BRINP1: variants seen among roughly 807,000 people sequenced by gnomAD.
BRINP1 encodes the protein BMP/retinoic acid inducible neural specific 1, also known as BMP/retinoic acid-inducible neural-specific protein 1.
A neutral mutation model predicts 72.9 loss-of-function variants in BRINP1; 17 were observed. The ratio of observed to expected loss-of-function variants is 0.23; its 90% CI spans 0.16 to 0.35. BRINP1 has a LOEUF of 0.35. BRINP1 is among the 10% of genes least tolerant of loss of function. The pLI, the probability that BRINP1 is intolerant of heterozygous loss-of-function variation, is 1.00. For synonymous variants in BRINP1, 418 were observed against 378.5 expected (o/e 1.10, Z -1.21); for missense variants, 850 against 1,001.6 (o/e 0.85, Z 2.04).
chr9:119,307,478 G>A (rs890919531), intron 2 of BRINP1, among the ~76,000 whole-genome samples: 1 of 152,102 alleles, frequency 6.6e-6, no homozygotes, highest in East Asian at 1.9e-4. Flanking sequence ...GAAATGAAAA[G>A]GGGAAAGAAG....
chr9:119,213,406 C>T (rs1588166139), intron 6 of BRINP1, among the ~76,000 whole-genome samples: 1 of 152,292 alleles, frequency 6.6e-6, no homozygotes, highest in Middle Eastern at 3.4e-3. Context: ...CAGAAAATAA[C>T]TAAGATACCA....
At chr9:119,268,824 C>T (rs748965561) in intron 2 of BRINP1, among the ~76,000 whole-genome samples, 5 of 152,128 alleles carry the variant, frequency 3.3e-5, no homozygotes, top group Non-Finnish European at 7.3e-5. Context: ...TTGTTGAGCA[C>T]ATAAGAAAAG....
chr9:119,244,367 T>G (rs1334402714), intron 3 of BRINP1, among the ~76,000 whole-genome samples: 1 of 152,160 alleles, frequency 6.6e-6, no homozygotes, highest in Non-Finnish European at 1.5e-5. Flanking sequence ...CCATGGGAAG[T>G]GGAGCAGGGG....
chr9:119,343,358 T>A (rs1441019991), intron 1 of BRINP1, among the ~76,000 whole-genome samples: 1 of 152,200 alleles, frequency 6.6e-6, no homozygotes, highest in Non-Finnish European at 1.5e-5. Context: ...GTCACGTTCT[T>A]CAAGTCATAA....
At chr9:119,336,673 C>T (rs962780222) in intron 1 of BRINP1, among the ~76,000 whole-genome samples, 4 of 152,104 alleles carry the variant, frequency 2.6e-5, no homozygotes, top group Admixed American at 1.3e-4. Flanking sequence ...ACTGACGCTG[C>T]CAGCCTGGCT....
At chr9:119,280,537 C>G (rs1413108534) in intron 2 of BRINP1, among the ~76,000 whole-genome samples, 4 of 152,068 alleles carry the variant, frequency 2.6e-5, no homozygotes, top group Non-Finnish European at 4.4e-5. Flanking sequence ...AGCTACCGCA[C>G]CCAGCCAAAA....
chr9:119,288,262 T>C (rs573524881), intron 2 of BRINP1, among the ~76,000 whole-genome samples: 1 of 152,348 alleles, frequency 6.6e-6, no homozygotes, highest in South Asian at 2.1e-4. Context: ...AATAATTCAC[T>C]GTGAATGATG....
At chr9:119,347,999 A>G (rs1831466889) in intron 1 of BRINP1, among the ~76,000 whole-genome samples, 1 of 152,196 alleles carries the variant, frequency 6.6e-6, no homozygotes, top group Non-Finnish European at 1.5e-5. Flanking sequence ...AGTTTACATT[A>G]GGGGTCACCC....
chr9:119,298,500 A>T (rs1026257007), intron 2 of BRINP1, among the ~76,000 whole-genome samples: 8 of 151,834 alleles, frequency 5.3e-5, no homozygotes, highest in Non-Finnish European at 1.0e-4. Context: ...CCTTGTGTTC[A>T]ATAACCAACT....
intron 1 of BRINP1, among the ~76,000 whole-genome samples, chr9:119,362,164 C>T (rs572121520): frequency 4.4e-4 from 67 of 151,930 alleles, no homozygotes; most frequent in African/African-American, 1.5e-3. Flanking sequence ...TGAAGCAAGC[C>T]ACAGCTGGGC....
chr9:119,303,165 G>A (rs946635492), intron 2 of BRINP1, among the ~76,000 whole-genome samples: 2 of 152,024 alleles, frequency 1.3e-5, no homozygotes, highest in African/African-American at 2.4e-5. Flanking sequence ...TGCTAGAGTC[G>A]CAGAGAGGCT....
Position 119,167,534 on chromosome 9 carries a change from G to A in BRINP1, c.1836C>T (p.Phe612=), listed in dbSNP as rs1340062983. The A allele has an allele frequency of 1.9e-6, 3 of 1,614,118 alleles. No homozygotes were observed. The highest frequency in any genetic ancestry group is 2.5e-6 in the Non-Finnish European group (3 of 1,180,006). Residue 612 remains phenylalanine (F), a synonymous_variant, in exon 8 of 8, where the codon TTC becomes TTT. Coordinates refer to ENST00000265922, the MANE Select transcript of BRINP1 (RefSeq NM_014618.3). The surrounding 1 kb of genome is among the most constrained non-coding windows in gnomAD (Gnocchi z 4.3). The stretch of plus-strand genomic sequence containing the variant: ...TACGTAGGTAGATGTGGACCGTCTC[G>A]AAAAATGTTTTCCACCGATTGCCCA... ...LLLGNRWKTF[F]ETVHIYLRSR...
chr9:119,357,016 T>C (rs1831574419), intron 1 of BRINP1, among the ~76,000 whole-genome samples: 1 of 152,222 alleles, frequency 6.6e-6, no homozygotes, highest in Non-Finnish European at 1.5e-5. Flanking sequence ...GAGAACAAAA[T>C]ATCCTGTATT....
At chr9:119,312,939 A>G (rs1193033782) in intron 2 of BRINP1, among the ~76,000 whole-genome samples, 199 bp downstream of exon 2, 1 of 152,214 alleles carries the variant, frequency 6.6e-6, no homozygotes, top group Non-Finnish European at 1.5e-5. Flanking sequence ...CTCAATAAAT[A>G]TTAATTATTT....
intron 2 of BRINP1, among the ~76,000 whole-genome samples, chr9:119,265,371 T>TGG (rs1254355466): frequency 6.6e-6 from 1 of 151,872 alleles, no homozygotes; most frequent in Non-Finnish European, 1.5e-5. Flanking sequence ...AGGCCAAGGC[T>TGG]GGGGGATCAC....
chr9:119,231,404 T>C (rs1830147908), intron 5 of BRINP1, among the ~76,000 whole-genome samples: 1 of 152,116 alleles, frequency 6.6e-6, no homozygotes, highest in South Asian at 2.1e-4. Context: ...TATCAATTTT[T>C]CCCTCTCTAC....
In BRINP1 at chr9:119,228,422, C is replaced by T. The variant is rs375719433; in HGVS notation, c.685+10233G>A. The stretch of plus-strand genomic sequence containing the variant: ...CTTTGCCTTTAAAGAGGCCTATACT[C>T]TAATCTAATAGAAAAGATAGAAAAC... On this transcript the variant is annotated intron_variant, in intron 5 of 7. Transcript: ENST00000265922. Among the ~76,000 whole-genome samples, 111 of 151,708 alleles carry T rather than the reference C, an allele frequency of 7.3e-4. 3 individuals are homozygous for T. The highest frequency in any genetic ancestry group is 2.6e-3 in the African/African-American group (106 of 41,382).
intron 3 of BRINP1, among the ~76,000 whole-genome samples, chr9:119,248,370 A>G (rs1421976174): frequency 6.6e-6 from 1 of 152,170 alleles, no homozygotes; most frequent in Non-Finnish European, 1.5e-5. Context: ...AGTCTGCACT[A>G]TTTTCCATTC....
intron 7 of BRINP1, among the ~76,000 whole-genome samples, chr9:119,174,416 G>C (rs2118827557): frequency 6.7e-6 from 1 of 149,942 alleles, no homozygotes; most frequent in East Asian, 2.0e-4. Context: ...ACCACAATGA[G>C]ATACCATCTC....
Sources: allele counts gnomAD v4.1 joint callset (sites outside exome capture counted in the v4.1 genomes callset), GRCh38; gene constraint gnomAD v4.1.1; non-coding constraint Gnocchi (gnomAD v3.1); transcripts MANE v1.5; gene names NCBI Gene and HGNC (gene_info 2026-07-23, HGNC 2026-07-21).